The following XYLB variants were observed in gnomAD, a reference collection of about 807,000 sequenced individuals.
XYLB encodes the protein xylulose kinase.
Under a neutral mutation model 78.7 loss-of-function variants are expected in XYLB, and 62 were observed. The ratio of observed to expected loss-of-function variants is 0.79; its 90% CI spans 0.64 to 0.97. The LOEUF is 0.97. Among genes scored for constraint, XYLB ranks in the 50% least tolerant of loss-of-function variants. XYLB has a pLI of 0.00. For synonymous variants in XYLB, 245 were observed against 247.4 expected (o/e 0.99, Z 0.09); for missense variants, 687 against 676.8 (o/e 1.02, Z -0.17).
chr3:38,439,952 A>G, the XYLB span, among the ~76,000 whole-genome samples: 2 of 152,180 alleles, frequency 1.3e-5, no homozygotes, highest in African/African-American at 4.8e-5. Flanking sequence ...AGTCACTGCT[A>G]CCAAAGAGTC....
rs748729335 is a variant in XYLB at position 38,365,654 on chromosome 3, C to A, written c.425C>A (p.Thr142Asn). The change falls in exon 6 of 19, where the codon ACC (threonine) becomes AAC (asparagine). Residue 142 changes from threonine to asparagine, a missense_variant. Coordinates refer to ENST00000207870, the MANE Select transcript of XYLB (RefSeq NM_005108.4). ...TGCCCGGTGTGGATGGACTCCAGCA[C>A]CACAGCCCAGTGCCGCCAGCTGGAG... ...SDCPVWMDSSTTAQCRQLEAA... is the reference protein window; with the variant it reads ...SDCPVWMDSSNTAQCRQLEAA... 1.2e-6 allele frequency: 2 copies of A among 1,613,988 alleles called. No homozygotes were observed. The highest frequency in any genetic ancestry group is 1.1e-5 in the South Asian group (1 of 91,064).
At chr3:38,355,988 C>A in intron 2 of XYLB, 1 of 546,652 alleles carries the variant, frequency 1.8e-6, no homozygotes, top group South Asian at 2.5e-5. Flanking sequence ...TGGTCGCTCA[C>A]GCCTGTAATC....
intron 17 of XYLB, 36 bp from the exon 18 acceptor site, chr3:38,400,855 A>C: frequency 6.3e-7 from 1 of 1,579,380 alleles, no homozygotes; most frequent in Non-Finnish European, 8.7e-7. Flanking sequence ...CTTCACTTGC[A>C]ACATGCACTA....
chr3:38,418,709 A>G (rs1345423219), downstream of XYLB, among the ~76,000 whole-genome samples: 1 of 152,206 alleles, frequency 6.6e-6, no homozygotes, highest in African/African-American at 2.4e-5. Flanking sequence ...ACAAAGTTTT[A>G]TAGTTTTTAG....
intron 3 of XYLB, among the ~76,000 whole-genome samples, chr3:38,362,325 A>G (rs1462751268): frequency 6.6e-6 from 1 of 152,182 alleles, no homozygotes; most frequent in Non-Finnish European, 1.5e-5. Flanking sequence ...TATAGCCTCA[A>G]TCTCCTGGGC....
At chr3:38,397,675 G>C (rs1238376284) in intron 17 of XYLB, among the ~76,000 whole-genome samples, 1 of 152,120 alleles carries the variant, frequency 6.6e-6, no homozygotes, top group Admixed American at 6.5e-5. Flanking sequence ...GGCAGGAGCA[G>C]CACCTACCTG....
downstream of XYLB, among the ~76,000 whole-genome samples, chr3:38,425,651 A>G (rs1015959825): frequency 6.6e-6 from 1 of 152,240 alleles, no homozygotes; most frequent in East Asian, 1.9e-4. Context: ...GTAAAATAAT[A>G]ACATGGGGTA....
chr3:38,434,977 C>T, the XYLB span, among the ~76,000 whole-genome samples: 10 of 152,026 alleles, frequency 6.6e-5, no homozygotes, highest in South Asian at 2.1e-4. Flanking sequence ...CATATCATAG[C>T]GAAACAAAAA....
chr3:38,425,871 T>G (rs60142090), downstream of XYLB, among the ~76,000 whole-genome samples: 1 of 152,326 alleles, frequency 6.6e-6, no homozygotes, highest in African/African-American at 2.4e-5. Context: ...CTAATCATCA[T>G]GGGACTTGTC....
chr3:38,351,171 C>CAAAAAAAAAAAA lies in XYLB; in HGVS notation c.140+2556_140+2567dup, dbSNP rs58457623. 2.0e-3 allele frequency among the ~76,000 whole-genome samples: 46 copies of CAAAAAAAAAAAA among 23,082 alleles called. 4 individuals carry two copies. Among genetic ancestry groups the CAAAAAAAAAAAA allele is most frequent in the Admixed American group, 9.7e-3 (15 of 1,544 alleles). 15.1% of individuals were successfully genotyped at this position (23,082 alleles called of 152,430 possible). A position where few individuals can be genotyped will look rare whatever the true frequency, so the allele number is the denominator to read the frequency against. On this transcript the variant is annotated intron_variant, in intron 2 of 18. Coordinates refer to ENST00000207870, the MANE Select transcript of XYLB (RefSeq NM_005108.4). ...TGGACAACAGAGGGAGAGCCTGTCT[C>CAAAAAAAAAAAA]AAAAAAAAAAAAAAAAAAAAAAAAA...
At chr3:38,380,865 C>T (rs1489133303) in intron 15 of XYLB, among the ~76,000 whole-genome samples, 1 of 152,186 alleles carries the variant, frequency 6.6e-6, no homozygotes, top group African/African-American at 2.4e-5. Context: ...ATGAACCAGC[C>T]TCAGTGATCC....
chr3:38,442,419 C>T, the XYLB span, among the ~76,000 whole-genome samples: 1 of 152,174 alleles, frequency 6.6e-6, no homozygotes, highest in African/African-American at 2.4e-5. Flanking sequence ...CAGATGAGGG[C>T]TATCCCTAAA....
downstream of XYLB, among the ~76,000 whole-genome samples, chr3:38,419,604 A>AT (rs1559628830): frequency 3.7e-5 from 4 of 107,278 alleles, no homozygotes; most frequent in African/African-American, 6.1e-5. Flanking sequence ...ATATATATAT[A>AT]ATAGCCATCG....
At chr3:38,395,677 G>C in intron 16 of XYLB, 114 bp downstream of exon 16, 1 of 1,110,066 alleles carries the variant, frequency 9.0e-7, no homozygotes, top group Non-Finnish European at 1.3e-6. Flanking sequence ...GGAATGGGGA[G>C]CTCTTAGCTC....
At chr3:38,446,282 T>C in the XYLB span, among the ~76,000 whole-genome samples, 2 of 152,186 alleles carry the variant, frequency 1.3e-5, no homozygotes, top group African/African-American at 4.8e-5. Flanking sequence ...TGGTGCATTT[T>C]TACAGAGTGC....
downstream of XYLB, among the ~76,000 whole-genome samples, chr3:38,424,438 A>C (rs1427254542): frequency 1.3e-5 from 2 of 152,240 alleles, no homozygotes; most frequent in African/African-American, 4.8e-5. Flanking sequence ...AGCTGATTTC[A>C]TAGGTGTTCT....
intron 16 of XYLB, 80 bp downstream of exon 16, chr3:38,395,643 A>G: frequency 6.8e-7 from 1 of 1,460,954 alleles, no homozygotes; most frequent in East Asian, 2.3e-5. Flanking sequence ...GATAGGAAGG[A>G]CAGCCTCCAT....
intron 18 of XYLB, among the ~76,000 whole-genome samples, chr3:38,406,152 G>C (rs937324583): frequency 2.6e-5 from 4 of 152,236 alleles, no homozygotes; most frequent in African/African-American, 9.6e-5. Flanking sequence ...GGGGCAGATT[G>C]ACAGCCCACA....
chr3:38,372,887 C>T (rs1706647736), intron 10 of XYLB, 151 bp downstream of exon 10: 1 of 868,652 alleles, frequency 1.2e-6, no homozygotes, highest in African/African-American at 1.7e-5. Context: ...TCCAGTCCAG[C>T]CTCTTGGTGA....
Sources: gnomAD v4.1 joint callset for allele counts (sites outside exome capture counted in the v4.1 genomes callset) on GRCh38, gnomAD v4.1.1 for gene constraint, MANE v1.5 for transcripts, NCBI Gene and HGNC (gene_info 2026-07-23, HGNC 2026-07-21) for gene names.